The following GPR89A variants were observed in gnomAD, a reference collection of about 807,000 sequenced individuals.
GPR89A encodes G protein-coupled receptor 89A.
In GPR89A, 16 loss-of-function variants were observed where a neutral mutation model predicts 52.0. The observed-to-expected ratio is 0.31, with a 90% confidence interval of 0.21 to 0.47. GPR89A has a LOEUF of 0.47. GPR89A is among the 20% of genes least tolerant of loss of function. The probability of loss-of-function intolerance (pLI) is 1.00; values close to 1 mark genes in which losing one functional copy is unlikely to be tolerated. For missense variants in GPR89A, 135 were observed against 449.4 expected (o/e 0.30, Z 6.33); for synonymous variants, 55 against 150.9 (o/e 0.36, Z 4.66).
At chr1:145,621,183 C>G (rs1486366094) in intron 3 of GPR89A, among the ~76,000 whole-genome samples, 4 of 151,106 alleles carry the variant, frequency 2.6e-5, no homozygotes, top group Admixed American at 6.6e-5. Context: ...AAACATATTT[C>G]TCTTGAAAGG....
At chr1:145,647,814 TTCGTCGTCGTCGA>T (rs1411747293) in intron 10 of GPR89A, among the ~76,000 whole-genome samples, 378 of 2,042 alleles carry the variant, frequency 0.19, 26 homozygotes, top group Middle Eastern at 0.33. Flanking sequence ...TCTCTCTCTC[TTCGTCGTCGTCGA>T]CTCTCTCTCT....
chr1:145,608,243 C>T lies in GPR89A; in HGVS notation c.42+68C>T, dbSNP rs182974558. 6.4e-4 allele frequency: 1,021 copies of T among 1,598,248 alleles called. 6 individuals are homozygous for T. In the African/African-American group the frequency reaches 9.5e-3, roughly 15 times the overall value. ...TACCGAATCGCCCTCTCCGGTCCTCCGCGGTGCGGGCTGGTCCGGGGTCTC... is the reference window on the plus strand; with the variant it reads ...TACCGAATCGCCCTCTCCGGTCCTCTGCGGTGCGGGCTGGTCCGGGGTCTC... On this transcript the variant is annotated intron_variant, in intron 1 of 13. Transcript: ENST00000313835.
At chr1:145,622,166 C>G (rs1305420572) in intron 3 of GPR89A, among the ~76,000 whole-genome samples, 1 of 151,938 alleles carries the variant, frequency 6.6e-6, no homozygotes, top group Non-Finnish European at 1.5e-5. Context: ...AAAAACAACC[C>G]AAATGTCCTC....
At chr1:145,621,061 A>G (rs1553688047) in intron 3 of GPR89A, among the ~76,000 whole-genome samples, 1 of 152,110 alleles carries the variant, frequency 6.6e-6, no homozygotes, top group Non-Finnish European at 1.5e-5. Context: ...CTGTCAATGT[A>G]TCTAGTCTAA....
intron 8 of GPR89A, 141 bp from the exon 9 acceptor site, chr1:145,646,043 C>T (rs2624752): frequency 4.6e-6 from 6 of 1,298,830 alleles, no homozygotes; most frequent in Admixed American, 1.8e-5. Flanking sequence ...TCTGAAGTAG[C>T]GCTGCTGGCT....
chr1:145,616,247 G>T lies in GPR89A; in HGVS notation c.56G>T (p.Gly19Val). 4 of 1,609,768 alleles carry T rather than the reference G, an allele frequency of 2.5e-6. No individual in the cohort carries two copies. Among genetic ancestry groups the T allele is most frequent in the Non-Finnish European group, 3.4e-6 (4 of 1,177,974 alleles). The change falls in exon 2 of 14, where the codon GGA becomes GTA. Residue 19 changes from glycine to valine, a missense_variant. Around this residue, in one of 10 missense-constraint regions of GPR89A, gnomAD observed 38 missense variants for 40.2 expected, o/e 0.95. Transcript: ENST00000313835. ...IMITSQILFF[G>V]FGWLFFMRQL... is the part of the protein sequence containing the mutation. ...TTTCTCCTCCAGATACTATTTTTTG[G>T]ATTTGGGTGGCTTTTCTTCATGCGC... is the stretch of plus-strand genomic sequence containing the variant.
At chr1:145,652,901 T>C (rs1323952740) in intron 10 of GPR89A, among the ~76,000 whole-genome samples, 1 of 146,968 alleles carries the variant, frequency 6.8e-6, no homozygotes. Context: ...TAGTGGTCTA[T>C]TTTATTAATC....
chr1:145,637,023 AAAT>A (rs1650289488), intron 7 of GPR89A, among the ~76,000 whole-genome samples: 1 of 152,236 alleles, frequency 6.6e-6, no homozygotes, highest in South Asian at 2.1e-4. Context: ...TGTCATCATT[AAAT>A]AATGTATTTC....
intron 5 of GPR89A, among the ~76,000 whole-genome samples, chr1:145,625,261 T>G (rs1470131749): frequency 6.7e-6 from 1 of 150,030 alleles, no homozygotes; most frequent in African/African-American, 2.5e-5. Flanking sequence ...AACTCTTAGG[T>G]GGCGTATGAG....
intron 10 of GPR89A, among the ~76,000 whole-genome samples, chr1:145,656,981 A>G (rs1210063925): frequency 2.0e-4 from 31 of 152,240 alleles, no homozygotes; most frequent in African/African-American, 7.2e-4. Context: ...ATAGTTGATT[A>G]CATTCATTAA....
chr1:145,639,746 CA>C (rs71584625), intron 7 of GPR89A, among the ~76,000 whole-genome samples: 22 of 131,150 alleles, frequency 1.7e-4, no homozygotes, highest in Non-Finnish European at 2.4e-4. Context: ...AACTCTGTCT[CA>C]AAAAAAAAAA....
Position 145,608,060 on chromosome 1 carries a change from G to A in GPR89A, c.-74G>A, listed in dbSNP as rs1553685234. ...CCTGGGAGAAGGCAGACCGTGTGAG[G>A]GGGCCTGTGGCCCCAGCGTGCTGTG... On this transcript the variant is annotated 5_prime_UTR_variant, in exon 1 of 14. Coordinates refer to ENST00000313835, the MANE Select transcript of GPR89A (RefSeq NM_001097612.2). 5 of 1,580,330 alleles carry A rather than the reference G, an allele frequency of 3.2e-6. No individual in the cohort carries two copies. The African/African-American group carries it at 5.5e-5, about 17-fold the overall frequency.
At chr1:145,663,999 AC>A (rs1553696072) in intron 11 of GPR89A, among the ~76,000 whole-genome samples, 1 of 150,354 alleles carries the variant, frequency 6.7e-6, no homozygotes, top group African/African-American at 2.5e-5. Context: ...TCATAAATAC[AC>A]CCTTGTCCTA....
At chr1:145,628,528 C>T (rs1289609063) in intron 5 of GPR89A, among the ~76,000 whole-genome samples, 2 of 151,732 alleles carry the variant, frequency 1.3e-5, no homozygotes, top group Non-Finnish European at 2.9e-5. Flanking sequence ...TGACTCTGCC[C>T]CTTTTATCTG....
intron 11 of GPR89A, among the ~76,000 whole-genome samples, chr1:145,664,375 G>A (rs1559051282): frequency 2.6e-5 from 4 of 152,170 alleles, no homozygotes; most frequent in Non-Finnish European, 2.9e-5. Flanking sequence ...TACAGGCCAC[G>A]CACTACTGTG....
intron 7 of GPR89A, among the ~76,000 whole-genome samples, chr1:145,643,159 G>T (rs1363089886): frequency 2.0e-5 from 3 of 150,716 alleles, no homozygotes; most frequent in African/African-American, 7.3e-5. Flanking sequence ...GGTTTTTTTT[G>T]TTTGTTTGTT....
intron 10 of GPR89A, among the ~76,000 whole-genome samples, chr1:145,661,947 A>G (rs1283344469): frequency 1.3e-5 from 2 of 151,950 alleles, no homozygotes; most frequent in Non-Finnish European, 2.9e-5. Flanking sequence ...TCCAAATATT[A>G]TTCTCTAATT....
intron 10 of GPR89A, among the ~76,000 whole-genome samples, chr1:145,649,921 G>A (rs1651331650): frequency 1.3e-5 from 2 of 151,296 alleles, no homozygotes; most frequent in Admixed American, 1.3e-4. Flanking sequence ...ATCTTTTCAT[G>A]TGCTTTTTTT....
chr1:145,614,499 G>T (rs1426155156), intron 1 of GPR89A, among the ~76,000 whole-genome samples: 2 of 152,090 alleles, frequency 1.3e-5, no homozygotes, highest in Non-Finnish European at 2.9e-5. Flanking sequence ...GAATGCTGAA[G>T]AATAAACCAT....
Sources: gnomAD v4.1 joint callset for allele counts (sites outside exome capture counted in the v4.1 genomes callset) on GRCh38, gnomAD v4.1.1 for gene constraint, gnomAD v4.1.1 regional missense constraint, MANE v1.5 for transcripts, NCBI Gene and HGNC (gene_info 2026-07-23, HGNC 2026-07-21) for gene names.